Variants in FCF1 observed in about 807,000 individuals in gnomAD.
FCF1 encodes the protein rRNA-processing protein FCF1 homolog.
In FCF1, 17 loss-of-function variants were observed where a neutral mutation model predicts 32.5. The observed-to-expected ratio is 0.52, with a 90% CI of 0.36 to 0.78. The LOEUF (loss-of-function observed/expected upper bound fraction) is 0.78. Among genes scored for constraint, FCF1 ranks in the 30% least tolerant of loss-of-function variants. FCF1 has a pLI of 0.00. For missense variants in FCF1, 201 were observed against 241.1 expected (o/e 0.83, Z 1.10); for synonymous variants, 84 against 78.4 (o/e 1.07, Z -0.38).
At chr14:74,719,999 G>A (rs1160521605) in intron 4 of FCF1, among the ~76,000 whole-genome samples, 37 of 152,022 alleles carry the variant, frequency 2.4e-4, no homozygotes, top group Admixed American at 2.2e-3. Flanking sequence ...AAAATTAGCC[G>A]GGCGTGGTGG....
chr14:74,723,394 C>T, intron 5 of FCF1, 50 bp downstream of exon 5: 1 of 1,287,046 alleles, frequency 7.8e-7, no homozygotes, highest in Non-Finnish European at 1.1e-6. Flanking sequence ...ACTGAAGATT[C>T]ATCTGTTTGT....
chr14:74,715,513 A>G (rs562343282), intron 3 of FCF1, among the ~76,000 whole-genome samples: 68 of 152,308 alleles, frequency 4.5e-4, no homozygotes, highest in Admixed American at 1.2e-3. Flanking sequence ...TAGATGTGAT[A>G]CAGGTCCTGC....
In FCF1 at chr14:74,735,707, TTAC is replaced by T. The variant is rs2090698560; in HGVS notation, c.*778_*780del. On this transcript the variant is annotated 3_prime_UTR_variant, in exon 8 of 8. Transcript: ENST00000341162. ...GCCTCAGCCTCCCGAGTAGCTGGGA[TTAC>T]AGGTACACACCACCATGCTCAACTA... is the stretch of plus-strand genomic sequence containing the variant. The T allele has an allele frequency of 6.6e-6, 1 of 150,990 alleles. No homozygotes were observed. Among genetic ancestry groups the T allele is most frequent in the African/African-American group, 2.4e-5 (1 of 40,836 alleles). 9.4% of individuals were successfully genotyped at this position (150,990 alleles called of 1,614,324 possible).
rs1358595390 is a variant in FCF1 at position 74,716,112 on chromosome 14, C to G, written c.292+13C>G. Reference sequence around the variant, plus strand: ...CTGTATGCCAAGTGTGAGTATCATACTTTTATGTTTCCGTGACATTTGTTC... The same window carrying G: ...CTGTATGCCAAGTGTGAGTATCATAGTTTTATGTTTCCGTGACATTTGTTC... On this transcript the variant is annotated intron_variant, in intron 4 of 7. Coordinates refer to ENST00000341162, the MANE Select transcript of FCF1 (RefSeq NM_015962.5). 6.2e-7 allele frequency: 1 copy of G among 1,610,188 alleles called. No homozygotes were observed. The highest frequency in any genetic ancestry group is 1.1e-5 in the South Asian group (1 of 90,890).
chr14:74,717,423 T>G (rs578154894), intron 4 of FCF1, among the ~76,000 whole-genome samples: 7 of 152,082 alleles, frequency 4.6e-5, no homozygotes, highest in African/African-American at 1.7e-4. Flanking sequence ...AGCCATCAGA[T>G]GAGAAAAAAA....
At chr14:74,724,425 C>T (rs1296567100) in intron 5 of FCF1, among the ~76,000 whole-genome samples, 3 of 152,184 alleles carry the variant, frequency 2.0e-5, no homozygotes, top group Non-Finnish European at 4.4e-5. Flanking sequence ...GCTGGGACTA[C>T]AGGCATGCAA....
intron 4 of FCF1, 71 bp downstream of exon 4, chr14:74,716,170 G>C: frequency 7.0e-7 from 1 of 1,437,072 alleles, no homozygotes; most frequent in Non-Finnish European, 9.8e-7. Flanking sequence ...TACATGAAAG[G>C]AGGGAGATGG....
intron 7 of FCF1, 25 bp from the exon 8 acceptor site, chr14:74,734,857 G>A (rs371503336): frequency 5.6e-6 from 9 of 1,605,110 alleles, no homozygotes; most frequent in African/African-American, 1.3e-5. Context: ...CTTTCTTACC[G>A]GTGTTGATTT....
chr14:74,720,984 T>TA (rs2090494235), intron 4 of FCF1, among the ~76,000 whole-genome samples: 2 of 150,934 alleles, frequency 1.3e-5, no homozygotes, highest in African/African-American at 4.9e-5. Flanking sequence ...GTTCAAGCAA[T>TA]TCTCATGCCT....
intron 2 of FCF1, among the ~76,000 whole-genome samples, chr14:74,714,012 A>G (rs1019965619): frequency 2.6e-5 from 4 of 152,236 alleles, no homozygotes; most frequent in African/African-American, 4.8e-5. Flanking sequence ...TCTCCATTTT[A>G]TAAGTCTTAC....
rs1332555106 is a variant in FCF1 at position 74,727,604 on chromosome 14, G to T, written c.365+4260G>T. On this transcript the variant is annotated intron_variant, in intron 5 of 7. Coordinates refer to ENST00000341162, the MANE Select transcript of FCF1 (RefSeq NM_015962.5). ...TTTCTTTTGCTGTGCAGAAGCTCTTGAGTTTAATTAGATCCCATTTGTCAA... is the reference window on the plus strand; with the variant it reads ...TTTCTTTTGCTGTGCAGAAGCTCTTTAGTTTAATTAGATCCCATTTGTCAA... Among the ~76,000 whole-genome samples the T allele has an allele frequency of 6.0e-5, 9 of 150,292 alleles. No individual in the cohort carries two copies. The East Asian group carries it at 1.2e-3, about 19-fold the overall frequency.
chr14:74,715,660 C>A, intron 3 of FCF1: 2 of 466,198 alleles, frequency 4.3e-6, no homozygotes, highest in Non-Finnish European at 7.8e-6. Flanking sequence ...TCCCTGTGCC[C>A]ATGGTGATTC....
chr14:74,715,593 T>A (rs190377642), intron 3 of FCF1: 378 of 359,696 alleles, frequency 1.1e-3, no homozygotes, highest in Middle Eastern at 5.9e-3. Flanking sequence ...TTTAGAATCC[T>A]TTAAGAATGA....
intron 4 of FCF1, 97 bp downstream of exon 4, chr14:74,716,196 A>T: frequency 8.6e-7 from 1 of 1,169,558 alleles, no homozygotes; most frequent in South Asian, 1.4e-5. Context: ...TTGTTAACTG[A>T]ATTGCTGGCC....
chr14:74,715,073 C>T (rs978243517), intron 3 of FCF1, 130 bp downstream of exon 3: 29 of 890,734 alleles, frequency 3.3e-5, no homozygotes, highest in East Asian at 2.4e-4. Context: ...AAAGTCATAT[C>T]GATGAGCATA....
chr14:74,726,616 T>TTTA (rs1337480338), intron 5 of FCF1, among the ~76,000 whole-genome samples: 12 of 151,828 alleles, frequency 7.9e-5, no homozygotes, highest in African/African-American at 2.7e-4. Flanking sequence ...TTTTTTTTTT[T>TTTA]TTATTATACT....
At chr14:74,723,914 AACAG>A (rs1334884223) in intron 5 of FCF1, among the ~76,000 whole-genome samples, 4 of 152,312 alleles carry the variant, frequency 2.6e-5, no homozygotes, top group African/African-American at 9.6e-5. Flanking sequence ...TAACAAAGTA[AACAG>A]ACATACATAA....
chr14:74,734,949 C>CCTCTGCCTTTCTTCGACCAACTTT lies in FCF1; in HGVS notation c.*24_*47dup, dbSNP rs747999712. The CCTCTGCCTTTCTTCGACCAACTTT allele has an allele frequency of 1.2e-6, 2 of 1,607,510 alleles. No homozygotes were observed. The highest frequency in any genetic ancestry group is 1.7e-5 in the Admixed American group (1 of 59,910). On this transcript the variant is annotated 3_prime_UTR_variant, in exon 8 of 8. Transcript: ENST00000341162. ...ATTCTAATTCTTACAAGACACAGTT[C>CCTCTGCCTTTCTTCGACCAACTTT]CTCTGCCTTTCTTCGACCAACTTTC...
chr14:74,720,210 A>G (rs963368240), intron 4 of FCF1, among the ~76,000 whole-genome samples: 2 of 152,224 alleles, frequency 1.3e-5, no homozygotes, highest in African/African-American at 4.8e-5. Flanking sequence ...CTCCCTTTAC[A>G]ACTATACAAT....
Sources: allele counts gnomAD v4.1 joint callset (sites outside exome capture counted in the v4.1 genomes callset), GRCh38; gene constraint gnomAD v4.1.1; transcripts MANE v1.5; gene names NCBI Gene and HGNC (gene_info 2026-07-23, HGNC 2026-07-21).